Variants in CNTNAP2 observed in about 807,000 individuals in gnomAD.
CNTNAP2 encodes the protein contactin associated protein 2.
CNTNAP2 carries 98 observed loss-of-function variants against 155.2 expected under a neutral mutation model. The observed-to-expected ratio is 0.63, with a 90% CI of 0.54 to 0.75. The LOEUF is 0.75. CNTNAP2 is among the 30% of genes least tolerant of loss of function. CNTNAP2 has a pLI of 0.00. For synonymous variants in CNTNAP2, 651 were observed against 631.2 expected (o/e 1.03, Z -0.47); for missense variants, 1,727 against 1,688.1 (o/e 1.02, Z -0.40).
chr7:148,091,383 A>G (rs768581519), intron 15 of CNTNAP2, among the ~76,000 whole-genome samples: 45 of 152,198 alleles, frequency 3.0e-4, no homozygotes, highest in Non-Finnish European at 4.3e-4. Context: ...CTTGTCAATC[A>G]AATAGTTTTT....
intron 8 of CNTNAP2, among the ~76,000 whole-genome samples, chr7:147,156,140 C>T (rs1253710158): frequency 1.3e-5 from 2 of 152,042 alleles, no homozygotes; most frequent in African/African-American, 4.8e-5. Context: ...AGGTAGATTT[C>T]GGAGCCTCAT....
chr7:146,756,582 C>G (rs925195201), intron 1 of CNTNAP2, among the ~76,000 whole-genome samples: 1 of 151,976 alleles, frequency 6.6e-6, no homozygotes, highest in Non-Finnish European at 1.5e-5. Context: ...TATATACACA[C>G]GGGCTTCCTA....
chr7:147,468,980 G>A (rs1331001047), intron 10 of CNTNAP2, among the ~76,000 whole-genome samples: 1 of 151,658 alleles, frequency 6.6e-6, no homozygotes, highest in Non-Finnish European at 1.5e-5. Context: ...GCGCCATCAC[G>A]CCAGGCTGAT....
chr7:147,200,013 C>T (rs1420725636), intron 8 of CNTNAP2, among the ~76,000 whole-genome samples: 2 of 152,032 alleles, frequency 1.3e-5, no homozygotes, highest in African/African-American at 4.8e-5. Flanking sequence ...CAGGCACAAC[C>T]ATGAAGTGGG....
In CNTNAP2 at chr7:146,942,656, A is replaced by G. The variant is rs116684285; in HGVS notation, c.403-101251A>G. Among the ~76,000 whole-genome samples, 878 of 152,276 alleles carry G rather than the reference A, an allele frequency of 5.8e-3. 9 individuals carry two copies. Among genetic ancestry groups the G allele is most frequent in the African/African-American group, 0.019 (795 of 41,550 alleles). ...GAAAAGACACAGGAGTGGCCAATGA[A>G]AAACAAAGAATGCATGTTCAACCTA... On this transcript the variant is annotated intron_variant, in intron 3 of 23. Transcript: ENST00000361727.
intron 16 of CNTNAP2, among the ~76,000 whole-genome samples, chr7:148,134,294 G>T (rs966869979): frequency 4.6e-5 from 7 of 152,160 alleles, no homozygotes; most frequent in Non-Finnish European, 1.0e-4. Context: ...AGTGTAACCA[G>T]AGCCAGTGAA....
intron 15 of CNTNAP2, among the ~76,000 whole-genome samples, chr7:148,047,268 C>A (rs1383228864): frequency 3.9e-5 from 6 of 151,958 alleles, no homozygotes; most frequent in Non-Finnish European, 8.8e-5. Flanking sequence ...GGGTTAAGTT[C>A]CTGCAAGCCT....
In CNTNAP2 at chr7:147,341,070, T is replaced by TTGTG. The variant is rs61319652; in HGVS notation, c.1498+40798_1498+40801dup. 1.6e-4 allele frequency among the ~76,000 whole-genome samples: 24 copies of TTGTG among 148,876 alleles called. No homozygotes were observed. In the South Asian group the frequency reaches 1.9e-3, roughly 12 times the overall value. Reference sequence around the variant, plus strand: ...GCCTGCCTCTTCCAGCATTGTGTGTTTGTGTGTGTGTGTGTGTGTGTATAT... The same window carrying TTGTG: ...GCCTGCCTCTTCCAGCATTGTGTGTTTGTGTGTGTGTGTGTGTGTGTGTGTATAT... On this transcript the variant is annotated intron_variant, in intron 9 of 23. Coordinates refer to ENST00000361727, the MANE Select transcript of CNTNAP2 (RefSeq NM_014141.6).
intron 1 of CNTNAP2, among the ~76,000 whole-genome samples, chr7:146,489,995 G>A (rs981817174): frequency 6.6e-6 from 1 of 152,058 alleles, no homozygotes; most frequent in South Asian, 2.1e-4. Flanking sequence ...TGATGGGTAG[G>A]GATCAATCAG....
intron 21 of CNTNAP2, among the ~76,000 whole-genome samples, chr7:148,328,320 G>A (rs951132319): frequency 6.6e-6 from 1 of 152,120 alleles, no homozygotes; most frequent in Non-Finnish European, 1.5e-5. Context: ...TGTGTGATTG[G>A]TGAGGGGATT....
intron 18 of CNTNAP2, among the ~76,000 whole-genome samples, chr7:148,182,815 G>A (rs1445043800): frequency 6.6e-6 from 1 of 152,134 alleles, no homozygotes; most frequent in Non-Finnish European, 1.5e-5. Context: ...CAAGAGGACT[G>A]GGCACAGGAT....
chr7:146,773,407 A>G (rs1802331355), intron 1 of CNTNAP2, among the ~76,000 whole-genome samples: 2 of 151,876 alleles, frequency 1.3e-5, no homozygotes, highest in Admixed American at 1.3e-4. Context: ...TCTTTCTTTG[A>G]TTTTTGAGAC....
chr7:146,237,112 C>T (rs1171594609), intron 1 of CNTNAP2, among the ~76,000 whole-genome samples: 1 of 152,156 alleles, frequency 6.6e-6, no homozygotes, highest in African/African-American at 2.4e-5. Flanking sequence ...GGGGTGATGA[C>T]AACAGGTTTG....
At chr7:147,140,161 A>T (rs1191738603) in intron 8 of CNTNAP2, among the ~76,000 whole-genome samples, 1 of 151,942 alleles carries the variant, frequency 6.6e-6, no homozygotes, top group Non-Finnish European at 1.5e-5. Flanking sequence ...GTAGACTCTG[A>T]TGTTTTCTGA....
intron 3 of CNTNAP2, among the ~76,000 whole-genome samples, chr7:146,873,825 T>C (rs1027527871): frequency 6.6e-6 from 1 of 152,150 alleles, no homozygotes; most frequent in African/African-American, 2.4e-5. Flanking sequence ...TAGTACATCA[T>C]GTTTTTCGTC....
intron 9 of CNTNAP2, among the ~76,000 whole-genome samples, chr7:147,374,619 G>A (rs1379210864): frequency 6.6e-6 from 1 of 152,022 alleles, no homozygotes; most frequent in East Asian, 1.9e-4. Context: ...TTTATTAAAT[G>A]ATTTGTGACA....
intron 21 of CNTNAP2, among the ~76,000 whole-genome samples, chr7:148,354,084 T>G (rs1798471921): frequency 1.3e-5 from 2 of 152,096 alleles, no homozygotes; most frequent in South Asian, 4.2e-4. Context: ...AGCAAGGTGT[T>G]ACAGCACATA....
chr7:146,764,885 A>G (rs1317718861), intron 1 of CNTNAP2, among the ~76,000 whole-genome samples: 2 of 152,172 alleles, frequency 1.3e-5, no homozygotes, highest in Non-Finnish European at 2.9e-5. Flanking sequence ...GCCATAAGCT[A>G]TTAAAATTGC....
rs550819949 is a variant in CNTNAP2, at chr7:146,654,165, G to A, written c.98-120106G>A. On this transcript the variant is annotated intron_variant, in intron 1 of 23. Coordinates refer to ENST00000361727, the MANE Select transcript of CNTNAP2 (RefSeq NM_014141.6). ...GAACTCTAATAACAATGATGGACAC[G>A]ATGTCCTTGCACATAAACATTTGGC... 2.0e-5 allele frequency among the ~76,000 whole-genome samples: 3 copies of A among 151,942 alleles called. 1 individual carries two copies. The highest frequency in any genetic ancestry group is 1.3e-4 in the Admixed American group (2 of 15,216).
Sources: allele counts gnomAD v4.1 joint callset (sites outside exome capture counted in the v4.1 genomes callset), GRCh38; gene constraint gnomAD v4.1.1; transcripts MANE v1.5; gene names NCBI Gene and HGNC (gene_info 2026-07-23, HGNC 2026-07-21).